Variants in POU6F2 observed in about 807,000 individuals in gnomAD.
The protein encoded by POU6F2 is POU class 6 homeobox 2.
In POU6F2, 31 loss-of-function variants were observed where a neutral mutation model predicts 71.3. The observed-to-expected ratio is 0.43, with a 90% CI of 0.33 to 0.59. The LOEUF (loss-of-function observed/expected upper bound fraction) is 0.59. Ranked by LOEUF, POU6F2 falls within the 20% of genes least tolerant of loss-of-function variation. The pLI is 0.04. For missense variants in POU6F2, 783 were observed against 856.8 expected (o/e 0.91, Z 1.07); for synonymous variants, 347 against 355.7 (o/e 0.98, Z 0.27).
At chr7:39,221,608 G>A (rs1416736634) in intron 4 of POU6F2, among the ~76,000 whole-genome samples, 3 of 151,782 alleles carry the variant, frequency 2.0e-5, no homozygotes, top group South Asian at 2.1e-4. Flanking sequence ...GGCTGGTCTC[G>A]AACTCCTAAC....
chr7:39,022,953 C>T (rs1246296029), intron 1 of POU6F2, among the ~76,000 whole-genome samples: 5 of 152,070 alleles, frequency 3.3e-5, no homozygotes, highest in African/African-American at 1.2e-4. Context: ...ATTTTACACA[C>T]TCAACAGTAG....
chr7:39,443,094 C>G (rs966546093), intron 7 of POU6F2, among the ~76,000 whole-genome samples: 1 of 152,202 alleles, frequency 6.6e-6, no homozygotes, highest in African/African-American at 2.4e-5. Context: ...AGCCTTCTCA[C>G]GCAGCATCTG....
chr7:39,135,132 A>G lies in POU6F2; in HGVS notation c.277+49101A>G, dbSNP rs554860526. 2.6e-5 allele frequency among the ~76,000 whole-genome samples: 4 copies of G among 152,368 alleles called. No individual in the cohort carries two copies. The South Asian group carries it at 8.3e-4, about 32-fold the overall frequency. ...AACAAGACATGAGCTTCTGATAAAT[A>G]TATGAACAAAAATATATGCCAAGAT... On this transcript the variant is annotated intron_variant, in intron 2 of 9. Coordinates refer to ENST00000518318, the MANE Select transcript of POU6F2 (RefSeq NM_001370959.1).
At chr7:39,441,855 T>C (rs1788414289) in intron 7 of POU6F2, among the ~76,000 whole-genome samples, 4 of 152,094 alleles carry the variant, frequency 2.6e-5, no homozygotes, top group Non-Finnish European at 1.5e-5. Flanking sequence ...TGGACAGGAA[T>C]GATGAAGACT....
intron 4 of POU6F2, among the ~76,000 whole-genome samples, chr7:39,230,123 G>A (rs1028467809): frequency 2.6e-5 from 4 of 152,194 alleles, no homozygotes; most frequent in African/African-American, 9.7e-5. Flanking sequence ...TCCAGTAACT[G>A]GGAATCAGGT....
chr7:39,374,811 G>T (rs17686832), intron 5 of POU6F2, among the ~76,000 whole-genome samples: 22,509 of 152,164 alleles, frequency 0.15, 1,873 homozygotes, highest in Admixed American at 0.22. Flanking sequence ...GAATATTGAG[G>T]ACATTTTCAG....
chr7:39,006,778 G>A lies in POU6F2; in HGVS notation c.105+28720G>A. ...CTAGGCATGAACTCTCTTGGGTTGT[G>A]TTACCCTGTTTGCTGTTTACTGTCA... On this transcript the variant is annotated intron_variant, in intron 1 of 9. Coordinates refer to ENST00000518318, the MANE Select transcript of POU6F2 (RefSeq NM_001370959.1). 3 of 1,468,076 alleles carry A rather than the reference G, an allele frequency of 2.0e-6. No homozygotes were observed. In the South Asian group the frequency reaches 3.4e-5, roughly 17 times the overall value. The allele number at this position is 1,468,076 out of a possible 1,614,324, so 90.9% of individuals were successfully genotyped here.
intron 2 of POU6F2, among the ~76,000 whole-genome samples, chr7:39,141,205 CATTATTGATA>C (rs1423089709): frequency 6.6e-6 from 1 of 152,134 alleles, no homozygotes; most frequent in African/African-American, 2.4e-5. Flanking sequence ...TAAAAGCTCT[CATTATTGATA>C]ATTATTGATT....
At chr7:39,398,253 C>T (rs185241773) in intron 5 of POU6F2, among the ~76,000 whole-genome samples, 9 of 151,726 alleles carry the variant, frequency 5.9e-5, no homozygotes, top group African/African-American at 1.7e-4. Context: ...TTTTAGAGAG[C>T]GGGAGAAAGA....
chr7:39,144,888 A>G (rs959435863), intron 2 of POU6F2, among the ~76,000 whole-genome samples: 1 of 152,108 alleles, frequency 6.6e-6, no homozygotes, highest in Non-Finnish European at 1.5e-5. Flanking sequence ...CTGGAGGAGT[A>G]TTTGATCTAT....
In POU6F2 at chr7:39,268,572, C is replaced by T. The variant is rs183555495; in HGVS notation, c.598+60952C>T. Among the ~76,000 whole-genome samples the T allele has an allele frequency of 1.8e-3, 276 of 152,056 alleles. 2 individuals are homozygous for T. Among genetic ancestry groups the T allele is most frequent in the African/African-American group, 4.7e-3 (195 of 41,474 alleles). ...AGAGCTCCTTTGTCACTTTGTATTCCGTAGAAAAATAGGTAAGGGAAAGAG... is the reference window on the plus strand; with the variant it reads ...AGAGCTCCTTTGTCACTTTGTATTCTGTAGAAAAATAGGTAAGGGAAAGAG... On this transcript the variant is annotated intron_variant, in intron 4 of 9. Transcript: ENST00000518318.
intron 4 of POU6F2, among the ~76,000 whole-genome samples, chr7:39,256,334 AAGACCGGGGTATCAAAATCCCCAGG>A (rs1262065544): frequency 1.3e-5 from 2 of 152,200 alleles, no homozygotes; most frequent in Non-Finnish European, 2.9e-5. Flanking sequence ...TAAGCATAGG[AAGACCGGGGTATCAAAATCCCCAGG>A]AGAGGATCCC....
intron 6 of POU6F2, 89 bp from the exon 7 acceptor site, chr7:39,432,988 T>C: frequency 1.5e-6 from 2 of 1,359,824 alleles, no homozygotes; most frequent in South Asian, 1.3e-5. Context: ...CCAGGGAGCA[T>C]CCTAGAGAGA....
intron 6 of POU6F2, among the ~76,000 whole-genome samples, chr7:39,425,027 A>G (rs1787936069): frequency 6.6e-6 from 1 of 152,140 alleles, no homozygotes; most frequent in Admixed American, 6.6e-5. Context: ...AGACGTGTCA[A>G]TTCCCTGAGA....
chr7:39,409,244 A>G (rs1583580472), intron 6 of POU6F2, among the ~76,000 whole-genome samples: 1 of 152,326 alleles, frequency 6.6e-6, no homozygotes, highest in African/African-American at 2.4e-5. Flanking sequence ...TATTGTTTAC[A>G]TTTGGAAGTT....
Position 39,464,021 on chromosome 7 carries a change from G to A in POU6F2, c.1659-161G>A, listed in dbSNP as rs558081141. Among the ~76,000 whole-genome samples the A allele has an allele frequency of 1.1e-4, 17 of 152,300 alleles. No homozygotes were observed. Among genetic ancestry groups the A allele is most frequent in the African/African-American group, 3.4e-4 (14 of 41,568 alleles). ...GTTTGCATGGTCTGGCATGGAGCAC[G>A]CTGGGAGGGTGGGCGCTGGCTTGGG... On this transcript the variant is annotated intron_variant, in intron 9 of 9. Transcript: ENST00000518318. The surrounding 1 kb of genome is among the most constrained non-coding windows in gnomAD (Gnocchi z 4.1).
At chr7:39,438,827 T>TATAC (rs1788316471) in intron 7 of POU6F2, among the ~76,000 whole-genome samples, 1 of 152,270 alleles carries the variant, frequency 6.6e-6, no homozygotes, top group African/African-American at 2.4e-5. Context: ...GAAGAATGTA[T>TATAC]ATTCTGTTGA....
At chr7:39,199,075 G>A (rs1049696294) in intron 2 of POU6F2, among the ~76,000 whole-genome samples, 5 of 152,164 alleles carry the variant, frequency 3.3e-5, no homozygotes, top group Non-Finnish European at 5.9e-5. Flanking sequence ...TTGTGCTAAT[G>A]CAGAGAGCAC....
At chr7:39,047,269 A>G (rs10085472) in intron 1 of POU6F2, among the ~76,000 whole-genome samples, 104,234 of 151,674 alleles carry the variant, frequency 0.69, 36,275 homozygotes, top group East Asian at 0.95. Context: ...ATTTTGATAG[A>G]AATTGCCATG....
Sources: gnomAD v4.1 joint callset for allele counts (sites outside exome capture counted in the v4.1 genomes callset) on GRCh38, gnomAD v4.1.1 for gene constraint, Gnocchi (gnomAD v3.1) non-coding constraint, MANE v1.5 for transcripts, NCBI Gene and HGNC (gene_info 2026-07-23, HGNC 2026-07-21) for gene names.